The following TENT4B variants were observed in gnomAD, a reference collection of about 807,000 sequenced individuals.
TENT4B encodes the protein PAP associated domain containing 5.
In TENT4B, 10 loss-of-function variants were observed where a neutral mutation model predicts 75.0. The observed-to-expected ratio is 0.13, with a 90% CI of 0.08 to 0.23. The LOEUF (loss-of-function observed/expected upper bound fraction) is 0.23, where lower values mean the gene tolerates loss of function less well. Among genes scored for constraint, TENT4B ranks in the 10% least tolerant of loss-of-function variants. TENT4B has a pLI of 1.00. For missense variants in TENT4B, 579 were observed against 893.8 expected (o/e 0.65, Z 4.49); for synonymous variants, 350 against 357.7 (o/e 0.98, Z 0.24).
chr16:50,165,182 C>A (rs1030906148), intron 1 of TENT4B, among the ~76,000 whole-genome samples: 2 of 151,008 alleles, frequency 1.3e-5, no homozygotes, highest in Non-Finnish European at 2.9e-5. Flanking sequence ...ATGTGATATT[C>A]CATTTATTTA....
At chr16:50,223,409 G>T (rs903551922) in intron 7 of TENT4B, 22 bp downstream of exon 7, 2 of 1,550,920 alleles carry the variant, frequency 1.3e-6, no homozygotes, top group Admixed American at 3.9e-5. Flanking sequence ...AGGTAAATTT[G>T]TGGGCATTCA....
chr16:50,179,688 C>G (rs1211834945), intron 1 of TENT4B, among the ~76,000 whole-genome samples: 2 of 152,140 alleles, frequency 1.3e-5, no homozygotes, highest in African/African-American at 4.8e-5. Flanking sequence ...TACTCCAATC[C>G]TTTTTTAAAA....
chr16:50,187,535 A>T (rs1257499556), intron 1 of TENT4B, among the ~76,000 whole-genome samples: 1 of 152,176 alleles, frequency 6.6e-6, no homozygotes, highest in East Asian at 1.9e-4. Flanking sequence ...GTGAGCCGAG[A>T]TTGTGCCACT....
chr16:50,181,365 C>A (rs753335947), intron 1 of TENT4B, among the ~76,000 whole-genome samples: 4 of 150,746 alleles, frequency 2.7e-5, no homozygotes, highest in Non-Finnish European at 5.9e-5. Flanking sequence ...GTTGCCTAGG[C>A]TGGGGTGCAG....
intron 1 of TENT4B, among the ~76,000 whole-genome samples, chr16:50,202,665 G>T (rs1220967990): frequency 1.3e-5 from 2 of 152,130 alleles, no homozygotes; most frequent in Non-Finnish European, 2.9e-5. Flanking sequence ...CTCAAGAGTA[G>T]TTTGGGTAAT....
intron 10 of TENT4B, among the ~76,000 whole-genome samples, chr16:50,226,281 G>A (rs1250585190): frequency 6.6e-6 from 1 of 152,166 alleles, no homozygotes; most frequent in African/African-American, 2.4e-5. Context: ...GATTACAGGC[G>A]TGAGCCCAGC....
At chr16:50,229,058 C>T (rs1406969749) in intron 11 of TENT4B, 94 bp from the exon 12 acceptor site, 1 of 1,545,750 alleles carries the variant, frequency 6.5e-7, no homozygotes, top group Non-Finnish European at 8.7e-7. Context: ...CCAGCATATT[C>T]CTAGTTTTGA....
chr16:50,193,336 T>G (rs898507481), intron 1 of TENT4B, among the ~76,000 whole-genome samples: 2 of 146,342 alleles, frequency 1.4e-5, no homozygotes, highest in Admixed American at 6.8e-5. Context: ...CTGGAGTTTT[T>G]TTTTTTTTTT....
intron 1 of TENT4B, among the ~76,000 whole-genome samples, chr16:50,191,803 C>A (rs1406168827): frequency 2.6e-5 from 4 of 152,142 alleles, no homozygotes; most frequent in Non-Finnish European, 2.9e-5. Flanking sequence ...CCTGTAATCC[C>A]AGCTACTGGG....
chr16:50,222,195 G>A (rs1210670403), intron 5 of TENT4B, 111 bp from the exon 6 acceptor site: 2 of 980,390 alleles, frequency 2.0e-6, no homozygotes, highest in South Asian at 1.8e-5. Context: ...AATTAAGTAT[G>A]TTGTATATCT....
intron 1 of TENT4B, among the ~76,000 whole-genome samples, chr16:50,182,522 T>C (rs1045350323): frequency 1.4e-4 from 22 of 152,228 alleles, no homozygotes; most frequent in Non-Finnish European, 2.4e-4. Context: ...AAAATAATTT[T>C]TGTCAACATG....
chr16:50,199,926 C>T (rs2030527897), intron 1 of TENT4B, among the ~76,000 whole-genome samples: 1 of 152,262 alleles, frequency 6.6e-6, no homozygotes, highest in Non-Finnish European at 1.5e-5. Flanking sequence ...CTATACACCA[C>T]TGTGCCCAGT....
At chr16:50,182,890 CCTTTTT>C (rs1424574387) in intron 1 of TENT4B, among the ~76,000 whole-genome samples, 4 of 8,258 alleles carry the variant, frequency 4.8e-4, no homozygotes, top group Non-Finnish European at 1.3e-3. Flanking sequence ...TTTTATTTTA[CCTTTTT>C]TTTTTTTTTT....
At position 50,211,437 on chromosome 16, in the gene TENT4B, C is replaced by T; in HGVS notation, c.753C>T (p.Pro251=). The change falls in exon 2 of 12, where the codon CCC becomes CCT. Residue 251 remains proline, a synonymous_variant. Transcript: ENST00000561678. Reference sequence around the variant, plus strand: ...AGAGTGTAATTAAGGAGCTCTGGCCCAGCGCTGACGTGAGTCCCTTCCTGG... The same window carrying T: ...AGAGTGTAATTAAGGAGCTCTGGCCTAGCGCTGACGTGAGTCCCTTCCTGG... The part of the protein sequence containing the change: ...RIESVIKELW[P]SADVQIFGSF... 1 of 1,592,766 alleles carries T rather than the reference C, an allele frequency of 6.3e-7. No homozygotes were observed. The highest frequency in any genetic ancestry group is 1.2e-5 in the South Asian group (1 of 86,532).
chr16:50,182,326 T>G (rs1713183810), intron 1 of TENT4B, among the ~76,000 whole-genome samples: 1 of 152,236 alleles, frequency 6.6e-6, no homozygotes, highest in South Asian at 2.1e-4. Flanking sequence ...TCTTTGGTGC[T>G]TCATGTCAGT....
intron 1 of TENT4B, among the ~76,000 whole-genome samples, chr16:50,190,774 G>A (rs572178045): frequency 2.0e-5 from 3 of 152,022 alleles, no homozygotes; most frequent in East Asian, 3.9e-4. Context: ...ATACATTCAC[G>A]TTACTGTGCA....
At chr16:50,154,695 G>A (rs2037856237) in intron 1 of TENT4B, among the ~76,000 whole-genome samples, 1 of 152,026 alleles carries the variant, frequency 6.6e-6, no homozygotes, top group South Asian at 2.1e-4. Context: ...TGAGAACATT[G>A]GTGTGTGAGT....
rs192424013 is a variant in TENT4B at position 50,230,646 on chromosome 16, A to G, written c.*1318A>G. 1.0e-6 allele frequency: 1 copy of G among 985,132 alleles called. No individual in the cohort carries two copies. The highest frequency in any genetic ancestry group is 1.1e-4 in the East Asian group (1 of 8,808). The allele number at this position is 985,132 out of a possible 1,614,324, so 61.0% of individuals were successfully genotyped here. ...ATCCCATTCTTTATCCTCTTCTTTC[A>G]TGGAATTGTTATCGTTAATTAAAAC... On this transcript the variant is annotated 3_prime_UTR_variant, in exon 12 of 12. Coordinates refer to ENST00000561678, the MANE Select transcript of TENT4B (RefSeq NM_001365324.3).
At position 50,227,968 on chromosome 16, in the gene TENT4B, A is replaced by G; in HGVS notation, c.1930A>G (p.Thr644Ala). 6.2e-7 allele frequency: 1 copy of G among 1,614,022 alleles called. No individual in the cohort carries two copies. Residue 644 changes from threonine to alanine, a missense_variant, in exon 11 of 12, where the codon ACC becomes GCC. Transcript: ENST00000561678. Reference protein sequence around the residue: ...QAVGKMQSTQTTNTSNSTNKS... With the variant: ...QAVGKMQSTQATNTSNSTNKS... ...AGTTGGGAAAATGCAAAGCACCCAA[A>G]CCACTAACACATCCAACAGCACCAA... is the stretch of plus-strand genomic sequence containing the variant.
Sources: gnomAD v4.1 joint callset for allele counts (sites outside exome capture counted in the v4.1 genomes callset) on GRCh38, gnomAD v4.1.1 for gene constraint, MANE v1.5 for transcripts, NCBI Gene and HGNC (gene_info 2026-07-23, HGNC 2026-07-21) for gene names.